The following NEFL variants were observed in gnomAD, a reference collection of about 807,000 sequenced individuals.
NEFL encodes neurofilament light chain.
Under a neutral mutation model 51.6 loss-of-function variants are expected in NEFL, and 36 were observed. The observed-to-expected ratio is 0.70, with a 90% CI of 0.53 to 0.92. The LOEUF (loss-of-function observed/expected upper bound fraction) is 0.92. NEFL is among the 40% of genes least tolerant of loss of function. The pLI is 0.00. For synonymous variants in NEFL, 332 were observed against 302.5 expected, an observed-to-expected ratio of 1.10 and a Z score of -1.01; for missense variants, 671 against 722.0, an observed-to-expected ratio of 0.93 and a Z score of 0.81.
rs375081154 is a variant in NEFL at position 24,953,825 on chromosome 8, A to G, written c.1170-30T>C. 2.6e-5 allele frequency: 41 copies of G among 1,574,924 alleles called. No individual in the cohort carries two copies. The East Asian group carries it at 4.8e-4, about 18-fold the overall frequency. On this transcript the variant is annotated intron_variant, in intron 2 of 3. Coordinates refer to ENST00000610854, the MANE Select transcript of NEFL (RefSeq NM_006158.5). The stretch of plus-strand genomic sequence containing the variant: ...GGATGCAGATGCAAGGTGAGGTTAA[A>G]AAACACCTGTGTTTCACAACTTGCT...
rs1284797059 is a variant in NEFL at position 24,952,157 on chromosome 8, G to A, written c.*653C>T. Reference sequence around the variant, plus strand: ...TTTATAGACTTTCTCATTTACTCATGTTTATTATCAGTAAAATTTTTGTGG... The same window carrying A: ...TTTATAGACTTTCTCATTTACTCATATTTATTATCAGTAAAATTTTTGTGG... On this transcript the variant is annotated 3_prime_UTR_variant, in exon 4 of 4. Transcript: ENST00000610854. 6.6e-6 allele frequency: 1 copy of A among 152,556 alleles called. No homozygotes were observed. The highest frequency in any genetic ancestry group is 1.5e-5 in the Non-Finnish European group (1 of 68,038). The allele number at this position is 152,556 out of a possible 1,614,324, so 9.5% of individuals were successfully genotyped here. A position where few individuals can be genotyped will look rare whatever the true frequency, so the allele number is the denominator to read the frequency against.
chr8:24,954,444 C>T, intron 1 of NEFL, 139 bp from the exon 2 acceptor site: 1 of 973,846 alleles, frequency 1.0e-6, no homozygotes, highest in Non-Finnish European at 1.5e-6. Context: ...CCTAGAATAA[C>T]TTCCTGTATC....
rs1196516688 is a variant in NEFL, at chr8:24,951,936, T to C, written c.*874A>G. 1.3e-5 allele frequency: 2 copies of C among 152,392 alleles called. No homozygotes were observed. The highest frequency in any genetic ancestry group is 1.3e-4 in the Admixed American group (2 of 15,290). The allele number at this position is 152,392 out of a possible 1,614,324, so 9.4% of individuals were successfully genotyped here. A position where few individuals can be genotyped will look rare whatever the true frequency, so the allele number is the denominator to read the frequency against. ...ATGAATGTATGGGATTCATATTCTA[T>C]CCATATTGCATTGTGACATATCAGT... On this transcript the variant is annotated 3_prime_UTR_variant, in exon 4 of 4. Transcript: ENST00000610854.
At position 24,954,285 on chromosome 8, in the gene NEFL, T is replaced by A. The variant is rs1215122374; in HGVS notation, c.1065A>T (p.Glu355Asp). 1 of 1,613,690 alleles carries A rather than the reference T, an allele frequency of 6.2e-7. No individual in the cohort carries two copies. Among genetic ancestry groups the A allele is most frequent in the Non-Finnish European group, 8.5e-7 (1 of 1,179,794 alleles). Residue 355 changes from glutamate to aspartate, a missense_variant, in exon 2 of 4, where the codon GAA (glutamate) becomes GAT (aspartate). Glu to Asp is a conservative substitution (Grantham distance 45, BLOSUM62 2). Transcript: ENST00000610854. ...SAMQDTINKL[E>D]NELRTTKSEM... is the part of the protein sequence containing the mutation. ...CACTCTTTGTGGTCCTCAATTCATT[T>A]TCTAATTTGTTGATCGTGTCCTGTT...
At chr8:24,953,433 C>G in intron 3 of NEFL, 43 bp downstream of exon 3, 1 of 1,545,256 alleles carries the variant, frequency 6.5e-7, no homozygotes, top group Non-Finnish European at 8.7e-7. Context: ...AATCTCCACA[C>G]CCAGTTTACA....
At chr8:24,953,453 G>A (rs1262631853) in intron 3 of NEFL, 23 bp downstream of exon 3, 1 of 1,549,098 alleles carries the variant, frequency 6.5e-7, no homozygotes, top group South Asian at 1.2e-5. Context: ...ACTTGAAGTT[G>A]CAGGGGTTTT....
rs1208531254 is a variant in NEFL, at chr8:24,956,450, G to A, written c.66C>T (p.Pro22=). 5.6e-6 allele frequency: 9 copies of A among 1,604,456 alleles called. No individual in the cohort carries two copies. The highest frequency in any genetic ancestry group is 7.7e-6 in the Non-Finnish European group (9 of 1,176,254). Residue 22 remains proline (P), a synonymous_variant, in exon 1 of 4, where the codon CCC becomes CCT. Coordinates refer to ENST00000610854, the MANE Select transcript of NEFL (RefSeq NM_006158.5). This position sits in a 1 kb window ranked among gnomAD's most constrained non-coding sequence, Gnocchi z 5.9. ...TGCGCACGCTGGAGATGTGCACCCGGGGCGTCTCCACGTAGCGCCGCTTGT... is the reference window on the plus strand; with the variant it reads ...TGCGCACGCTGGAGATGTGCACCCGAGGCGTCTCCACGTAGCGCCGCTTGT... The part of the protein sequence containing the change: ...TSYKRRYVET[P]RVHISSVRSG...
rs555613673 is a variant in NEFL, at chr8:24,955,283, C to T, written c.1044+189G>A. On this transcript the variant is annotated intron_variant, in intron 1 of 3. Transcript: ENST00000610854. This position sits in a 1 kb window ranked among gnomAD's most constrained non-coding sequence, Gnocchi z 4.0. ...GGTGCAGCAGCACGGAGCACACTCC[C>T]AGACTACAGTGGCGCCCGCACTCAC... 1.4e-4 allele frequency: 90 copies of T among 622,576 alleles called. 1 individual carries two copies. In the African/African-American group the frequency reaches 1.6e-3, roughly 11 times the overall value. The allele number at this position is 622,576 out of a possible 1,614,324, so 38.6% of individuals were successfully genotyped here. A position where few individuals can be genotyped will look rare whatever the true frequency, so the allele number is the denominator to read the frequency against.
In NEFL at chr8:24,951,366, A is replaced by G. The variant is rs1055005977; in HGVS notation, c.*1444T>C. The G allele has an allele frequency of 1.3e-5, 2 of 152,262 alleles. No individual in the cohort carries two copies. Among genetic ancestry groups the G allele is most frequent in the African/African-American group, 4.8e-5 (2 of 41,466 alleles). 9.4% of individuals were successfully genotyped at this position (152,262 alleles called of 1,614,324 possible). On this transcript the variant is annotated 3_prime_UTR_variant, in exon 4 of 4. Transcript: ENST00000610854. ...ACTTATAGAGATCGTCTAAAAAACA[A>G]ATATTGAATGAAATTAGCTGACAAA... is the stretch of plus-strand genomic sequence containing the variant.
chr8:24,956,599 G>A lies in NEFL; in HGVS notation c.-84C>T, dbSNP rs1182426122. 1 of 1,307,544 alleles carries A rather than the reference G, an allele frequency of 7.6e-7. No homozygotes were observed. The highest frequency in any genetic ancestry group is 1.5e-5 in the African/African-American group (1 of 68,240). 81.0% of individuals were successfully genotyped at this position (1,307,544 alleles called of 1,614,324 possible). A position where few individuals can be genotyped will look rare whatever the true frequency, so the allele number is the denominator to read the frequency against. Reference sequence around the variant, plus strand: ...AGGGGAGAGAGGGAAGGGGGAGGATGGATGGCTGTGTGCGGCTCGGCGCCG... The same window carrying A: ...AGGGGAGAGAGGGAAGGGGGAGGATAGATGGCTGTGTGCGGCTCGGCGCCG... On this transcript the variant is annotated 5_prime_UTR_variant, in exon 1 of 4. Coordinates refer to ENST00000610854, the MANE Select transcript of NEFL (RefSeq NM_006158.5). The surrounding 1 kb of genome is among the most constrained non-coding windows in gnomAD (Gnocchi z 5.9).
Position 24,956,533 on chromosome 8 carries a change from CCCCGGCCCGCGGCGGCGGTGGGAG to C in NEFL, c.-42_-19del. The C allele has an allele frequency of 1.3e-6, 2 of 1,573,408 alleles. No individual in the cohort carries two copies. Among genetic ancestry groups the C allele is most frequent in the Non-Finnish European group, 1.7e-6 (2 of 1,161,194 alleles). On this transcript the variant is annotated 5_prime_UTR_variant, in exon 1 of 4. Transcript: ENST00000610854. This position sits in a 1 kb window ranked among gnomAD's most constrained non-coding sequence, Gnocchi z 5.9. ...GAACTCATGGTGGCGGCCGGTGGCT[CCCCGGCCCGCGGCGGCGGTGGGAG>C]CCCGGAGAGAGAGGACAGGGGAGAG...
rs1802969827 is a variant in NEFL, at chr8:24,951,575, G to C, written c.*1235C>G. On this transcript the variant is annotated 3_prime_UTR_variant, in exon 4 of 4. Coordinates refer to ENST00000610854, the MANE Select transcript of NEFL (RefSeq NM_006158.5). ...ATATCTCCCAGTAGAGACATGCAGA[G>C]CAATGTCAATGTAACATACAAGCAT... 2 of 152,386 alleles carry C rather than the reference G, an allele frequency of 1.3e-5. No homozygotes were observed. Among genetic ancestry groups the C allele is most frequent in the South Asian group, 4.1e-4 (2 of 4,828 alleles). 9.4% of individuals were successfully genotyped at this position (152,386 alleles called of 1,614,324 possible).
chr8:24,953,823 A>T, intron 2 of NEFL, 28 bp from the exon 3 acceptor site: 5 of 1,578,364 alleles, frequency 3.2e-6, no homozygotes, highest in Non-Finnish European at 4.3e-6. Context: ...AGGTGAGGTT[A>T]AAAAACACCT....
chr8:24,952,802 A>G lies in NEFL; in HGVS notation c.*8T>C. 1 of 1,613,916 alleles carries G rather than the reference A, an allele frequency of 6.2e-7. No homozygotes were observed. Among genetic ancestry groups the G allele is most frequent in the Admixed American group, 1.7e-5 (1 of 60,018 alleles). On this transcript the variant is annotated 3_prime_UTR_variant, in exon 4 of 4. Transcript: ENST00000610854. ...AATTATTCCTGAAATAATTAAGGAA[A>G]TGGGGGTTCAATCTTTCTTCTTAGC...
In NEFL at chr8:24,953,584, C is replaced by A. The variant is rs2117251543; in HGVS notation, c.1381G>T (p.Ala461Ser). 6.2e-7 allele frequency: 1 copy of A among 1,614,010 alleles called. No individual in the cohort carries two copies. The highest frequency in any genetic ancestry group is 8.5e-7 in the Non-Finnish European group (1 of 1,179,892). The change falls in exon 3 of 4, where the codon GCC (alanine) becomes TCC (serine). Residue 461 changes from alanine to serine, a missense_variant. Transcript: ENST00000610854. ...QIEVEETIEA[A>S]KAEEAKDEPP... The stretch of plus-strand genomic sequence containing the variant: ...TCATCCTTGGCTTCCTCAGCCTTGG[C>A]AGCCTCAATGGTTTCCTCCACTTCG...
intron 3 of NEFL, 41 bp from the exon 4 acceptor site, chr8:24,952,993 G>T (rs752316574): frequency 2.5e-6 from 4 of 1,569,168 alleles, no homozygotes; most frequent in South Asian, 2.3e-5. Flanking sequence ...CAAATCCAGG[G>T]TAAGTCCAGT....
intron 1 of NEFL, 45 bp from the exon 2 acceptor site, chr8:24,954,350 A>C (rs766837733): frequency 1.2e-6 from 2 of 1,602,774 alleles, no homozygotes; most frequent in Middle Eastern, 1.7e-4. Context: ...CCGAGCATAA[A>C]TCCCTTCTAT....
Position 24,952,787 on chromosome 8 carries a change from G to A in NEFL, c.*23C>T, listed in dbSNP as rs774611168. On this transcript the variant is annotated 3_prime_UTR_variant, in exon 4 of 4. Transcript: ENST00000610854. Reference sequence around the variant, plus strand: ...ACCTGATTTCGGGAGAATTATTCCTGAAATAATTAAGGAAATGGGGGTTCA... The same window carrying A: ...ACCTGATTTCGGGAGAATTATTCCTAAAATAATTAAGGAAATGGGGGTTCA... 6.2e-7 allele frequency: 1 copy of A among 1,613,836 alleles called. No individual in the cohort carries two copies. Among genetic ancestry groups the A allele is most frequent in the South Asian group, 1.1e-5 (1 of 91,058 alleles).
At position 24,951,340 on chromosome 8, in the gene NEFL, A is replaced by G. The variant is rs964868908; in HGVS notation, c.*1470T>C. On this transcript the variant is annotated 3_prime_UTR_variant, in exon 4 of 4. Transcript: ENST00000610854. ...CACTTTGGTTTCAGGTTAAATTAAT[A>G]ACTTATAGAGATCGTCTAAAAAACA... 1 of 152,266 alleles carries G rather than the reference A, an allele frequency of 6.6e-6. No individual in the cohort carries two copies. The highest frequency in any genetic ancestry group is 1.5e-5 in the Non-Finnish European group (1 of 68,048). The allele number at this position is 152,266 out of a possible 1,614,324, so 9.4% of individuals were successfully genotyped here. A position where few individuals can be genotyped will look rare whatever the true frequency, so the allele number is the denominator to read the frequency against.
Sources: allele counts gnomAD v4.1 joint callset, GRCh38; gene constraint gnomAD v4.1.1; non-coding constraint Gnocchi (gnomAD v3.1); transcripts MANE v1.5; gene names NCBI Gene and HGNC (gene_info 2026-07-23, HGNC 2026-07-21).